The following PPP1CC variants were observed in gnomAD, a reference collection of about 807,000 sequenced individuals.
PPP1CC encodes the protein protein phosphatase 1 catalytic subunit gamma.
PPP1CC carries 16 observed loss-of-function variants against 38.4 expected under a neutral mutation model. The observed-to-expected ratio is 0.42, with a 90% confidence interval of 0.28 to 0.63. PPP1CC has a LOEUF of 0.63. Among genes scored for constraint, PPP1CC ranks in the 30% least tolerant of loss-of-function variants. The pLI, the probability that PPP1CC is intolerant of heterozygous loss-of-function variation, is 0.25. For synonymous variants in PPP1CC, 158 were observed against 136.0 expected (o/e 1.16, Z -1.13); for missense variants, 170 against 391.3 (o/e 0.43, Z 4.77).
At chr12:110,738,911 T>TGACCAAC (rs2069979144) in intron 1 of PPP1CC, among the ~76,000 whole-genome samples, 1 of 152,222 alleles carries the variant, frequency 6.6e-6, no homozygotes, top group African/African-American at 2.4e-5. Flanking sequence ...AGTGGGCATA[T>TGACCAAC]GACCAACATA....
chr12:110,731,936 C>T (rs760982435), intron 1 of PPP1CC, 35 bp from the exon 2 acceptor site: 42 of 1,602,458 alleles, frequency 2.6e-5, no homozygotes, highest in Non-Finnish European at 3.4e-5. Context: ...TCCAATGAAG[C>T]CAAAATACAA....
At chr12:110,727,508 G>A (rs933008318) in intron 3 of PPP1CC, among the ~76,000 whole-genome samples, 4 of 151,206 alleles carry the variant, frequency 2.6e-5, no homozygotes, top group South Asian at 2.1e-4. Context: ...ATGCGGTTTC[G>A]CATTACTGTA....
chr12:110,724,327 G>C (rs1288566913), intron 4 of PPP1CC, among the ~76,000 whole-genome samples: 2 of 152,174 alleles, frequency 1.3e-5, no homozygotes, highest in African/African-American at 4.8e-5. Context: ...TTGGAAGTCC[G>C]AGGCAGGAGG....
chr12:110,740,269 A>G (rs1304730139), intron 1 of PPP1CC, among the ~76,000 whole-genome samples: 1 of 152,058 alleles, frequency 6.6e-6, no homozygotes, highest in Non-Finnish European at 1.5e-5. Flanking sequence ...GGGAAAAAAA[A>G]GGTTTTGGGG....
In PPP1CC at chr12:110,736,485, A is replaced by G. The variant is rs183735478; in HGVS notation, c.56-4584T>C. Among the ~76,000 whole-genome samples, 225 of 152,154 alleles carry G rather than the reference A, an allele frequency of 1.5e-3. 1 individual carries two copies. Among genetic ancestry groups the G allele is most frequent in the African/African-American group, 5.1e-3 (211 of 41,514 alleles). On this transcript the variant is annotated intron_variant, in intron 1 of 6. Coordinates refer to ENST00000335007, the MANE Select transcript of PPP1CC (RefSeq NM_002710.4). The stretch of plus-strand genomic sequence containing the variant: ...ATGGTGAAATTGAGTCTCTACCAAA[A>G]ATACAAAATATAGCTGGACATGGTG...
chr12:110,730,687 T>C lies in PPP1CC; in HGVS notation c.260A>G (p.Tyr87Cys), dbSNP rs1275447278. The C allele has an allele frequency of 1.2e-6, 2 of 1,613,988 alleles. No homozygotes were observed. The highest frequency in any genetic ancestry group is 1.7e-6 in the Non-Finnish European group (2 of 1,180,016). ...GTCCACATAGTCCCCAAGAAACAGG[T>C]AGTTGCTTTCTGGTGGGAAACCACC... is the stretch of plus-strand genomic sequence containing the variant. Reference protein sequence around the residue: ...EYGGFPPESNYLFLGDYVDRG... With the variant: ...EYGGFPPESNCLFLGDYVDRG... The change falls in exon 3 of 7, where the codon TAC (tyrosine) becomes TGC (cysteine). Residue 87 changes from tyrosine (Y) to cysteine (C), a missense_variant. Physicochemically the swap from Tyr to Cys is radical, Grantham distance 194 (BLOSUM62 -2). Coordinates refer to ENST00000335007, the MANE Select transcript of PPP1CC (RefSeq NM_002710.4).
At chr12:110,712,797 C>T in the PPP1CC span, among the ~76,000 whole-genome samples, 8 of 151,802 alleles carry the variant, frequency 5.3e-5, no homozygotes, top group South Asian at 6.2e-4. Flanking sequence ...CCAGGCTGGG[C>T]GTGGTGGCTC....
chr12:110,732,139 C>T, intron 1 of PPP1CC: 1 of 564,708 alleles, frequency 1.8e-6, no homozygotes, highest in Non-Finnish European at 3.1e-6. Context: ...AAGGAGCCAT[C>T]CTGTCTGTGC....
downstream of PPP1CC, among the ~76,000 whole-genome samples, chr12:110,718,899 G>C (rs1028125306): frequency 6.6e-6 from 1 of 151,852 alleles, no homozygotes; most frequent in African/African-American, 2.4e-5. Context: ...TCTTCTACTT[G>C]ACCAATGTTC....
the PPP1CC span, among the ~76,000 whole-genome samples, chr12:110,709,977 A>T: frequency 1.4e-5 from 2 of 141,766 alleles, no homozygotes; most frequent in East Asian, 2.0e-4. Context: ...ATAATAATAA[A>T]GGAAAACAAA....
chr12:110,724,054 C>A (rs1367173459), intron 4 of PPP1CC, among the ~76,000 whole-genome samples: 1 of 151,838 alleles, frequency 6.6e-6, no homozygotes, highest in Admixed American at 6.6e-5. Flanking sequence ...CTGGCTAACA[C>A]GGTGAAGCCC....
At chr12:110,733,476 AT>A (rs1009550109) in intron 1 of PPP1CC, among the ~76,000 whole-genome samples, 29 of 148,614 alleles carry the variant, frequency 2.0e-4, no homozygotes, top group African/African-American at 2.7e-4. Flanking sequence ...GTTGCTAACA[AT>A]TTTTTTTTTT....
At chr12:110,735,203 G>A (rs565181609) in intron 1 of PPP1CC, among the ~76,000 whole-genome samples, 61 of 151,430 alleles carry the variant, frequency 4.0e-4, no homozygotes, top group Middle Eastern at 6.8e-3. Flanking sequence ...ATAGGCGTGC[G>A]CCACCGTGCC....
At chr12:110,714,582 G>A in the PPP1CC span, among the ~76,000 whole-genome samples, 6 of 151,722 alleles carry the variant, frequency 4.0e-5, no homozygotes, top group African/African-American at 1.2e-4. Context: ...TGAGGCAGGC[G>A]AATCACTTGA....
At position 110,722,069 on chromosome 12, in the gene PPP1CC, A is replaced by G; in HGVS notation, c.882+66T>C. The G allele has an allele frequency of 6.3e-7, 1 of 1,596,654 alleles. No homozygotes were observed. Among genetic ancestry groups the G allele is most frequent in the Non-Finnish European group, 8.6e-7 (1 of 1,168,812 alleles). On this transcript the variant is annotated intron_variant, in intron 6 of 6. Coordinates refer to ENST00000335007, the MANE Select transcript of PPP1CC (RefSeq NM_002710.4). The surrounding 1 kb of genome is among the most constrained non-coding windows in gnomAD (Gnocchi z 5.4). ...AGTGAACACTAGGCAAAAAGTAGCA[A>G]TTATATTTTTCAATCAGCAAAGTGT...
At chr12:110,741,012 C>T (rs2070011064) in intron 1 of PPP1CC, among the ~76,000 whole-genome samples, 1 of 152,080 alleles carries the variant, frequency 6.6e-6, no homozygotes, top group African/African-American at 2.4e-5. Context: ...CAGTTTCTGA[C>T]CAACTGCTGC....
intron 1 of PPP1CC, among the ~76,000 whole-genome samples, chr12:110,741,479 A>G (rs1465219148): frequency 6.6e-5 from 10 of 152,202 alleles, no homozygotes; most frequent in Non-Finnish European, 1.5e-4. Flanking sequence ...CTTGGATAAG[A>G]TGTTAGCATC....
downstream of PPP1CC, among the ~76,000 whole-genome samples, chr12:110,716,049 C>T (rs1261522558): frequency 1.3e-5 from 2 of 152,164 alleles, no homozygotes; most frequent in Admixed American, 6.5e-5. Flanking sequence ...GGTCCTACCA[C>T]CAAATTGGTT....
intron 1 of PPP1CC, chr12:110,732,677 A>T (rs2069889390): frequency 6.6e-6 from 1 of 152,256 alleles, no homozygotes; most frequent in Non-Finnish European, 1.5e-5. Context: ...ACTGTAAGAA[A>T]GCACGTTCCC....
Sources: gnomAD v4.1 joint callset for allele counts (sites outside exome capture counted in the v4.1 genomes callset) on GRCh38, gnomAD v4.1.1 for gene constraint, Gnocchi (gnomAD v3.1) non-coding constraint, MANE v1.5 for transcripts, NCBI Gene and HGNC (gene_info 2026-07-23, HGNC 2026-07-21) for gene names.